TAF4B: variants seen among roughly 807,000 people sequenced by gnomAD.
The protein encoded by TAF4B is TATA-box binding protein associated factor 4b, also known as transcription initiation factor TFIID subunit 4B.
TAF4B carries 38 observed loss-of-function variants against 86.4 expected under a neutral mutation model. The ratio of observed to expected loss-of-function variants is 0.44; its 90% CI spans 0.34 to 0.58. TAF4B has a LOEUF of 0.58. TAF4B is among the 20% of genes least tolerant of loss of function. The pLI is 0.02. For synonymous variants in TAF4B, 388 were observed against 391.2 expected, an observed-to-expected ratio of 0.99 and a Z score of 0.10; for missense variants, 988 against 1,027.6, an observed-to-expected ratio of 0.96 and a Z score of 0.53.
chr18:26,295,439 G>A (rs781490898), intron 9 of TAF4B: 2 of 175,112 alleles, frequency 1.1e-5, no homozygotes, highest in South Asian at 2.5e-4. Flanking sequence ...AGATAATCAG[G>A]CATTAGATTC....
rs184228004 is a variant in TAF4B at position 26,314,027 on chromosome 18, C to T, written c.1833-1202C>T. Among the ~76,000 whole-genome samples the T allele has an allele frequency of 1.4e-3, 212 of 152,214 alleles. 3 individuals are homozygous for T. Among genetic ancestry groups the T allele is most frequent in the Middle Eastern group, 6.8e-3 (2 of 294 alleles). ...TGTTTGAGTATGAGTTCTTTTCCCC[C>T]TCATCCCTAATGTGTTGTTTTTTAA... On this transcript the variant is annotated intron_variant, in intron 9 of 14. Coordinates refer to ENST00000269142, the MANE Select transcript of TAF4B (RefSeq NM_005640.3).
intron 13 of TAF4B, among the ~76,000 whole-genome samples, chr18:26,347,077 A>C (rs10163961): frequency 0.98 from 145,701 of 148,606 alleles, 71,436 homozygotes; most frequent in East Asian, 0.99. Flanking sequence ...CCCACCACCA[A>C]GCCCAGCTAA....
At chr18:26,292,495 AC>A in intron 8 of TAF4B, 114 bp downstream of exon 8, 1 of 1,104,242 alleles carries the variant, frequency 9.1e-7, no homozygotes, top group Non-Finnish European at 1.3e-6. Context: ...TAAAGTTGGC[AC>A]CCATTGAGAG....
chr18:26,227,031 T>TG lies in TAF4B; in HGVS notation c.99dup (p.Arg34AlafsTer14). 6.6e-7 allele frequency: 1 copy of TG among 1,506,614 alleles called. No homozygotes were observed. The highest frequency in any genetic ancestry group is 8.8e-7 in the Non-Finnish European group (1 of 1,141,092). 93.3% of individuals were successfully genotyped at this position (1,506,614 alleles called of 1,614,324 possible). A position where few individuals can be genotyped will look rare whatever the true frequency, so the allele number is the denominator to read the frequency against. On this transcript the variant is annotated frameshift_variant, in exon 1 of 15. Coordinates refer to ENST00000269142, the MANE Select transcript of TAF4B (RefSeq NM_005640.3). ...ATGGCCCCGGCCGGGGCGCTGCCGG[T>TG]GCGGGTGGAGAGCACTCCGGTGGCC... is the stretch of plus-strand genomic sequence containing the variant.
At chr18:26,288,190 T>C (rs1197508845) in intron 7 of TAF4B, among the ~76,000 whole-genome samples, 2 of 152,222 alleles carry the variant, frequency 1.3e-5, no homozygotes, top group Admixed American at 1.3e-4. Flanking sequence ...ATTGAGCATC[T>C]ATAGCATATA....
intron 13 of TAF4B, among the ~76,000 whole-genome samples, chr18:26,344,702 A>G (rs1028419640): frequency 6.6e-6 from 1 of 152,220 alleles, no homozygotes; most frequent in Non-Finnish European, 1.5e-5. Context: ...GAGGACTGAC[A>G]TTGGCAAGAT....
intron 10 of TAF4B, among the ~76,000 whole-genome samples, chr18:26,319,871 T>C (rs1042532670): frequency 6.6e-6 from 1 of 152,148 alleles, no homozygotes; most frequent in African/African-American, 2.4e-5. Context: ...ATTACAGGCG[T>C]GTGCCACCAT....
chr18:26,320,310 G>C (rs903234611), intron 10 of TAF4B, among the ~76,000 whole-genome samples: 3 of 152,128 alleles, frequency 2.0e-5, no homozygotes, highest in South Asian at 2.1e-4. Flanking sequence ...GGTTTCACTG[G>C]GGCTGAGAAG....
At chr18:26,238,924 C>A (rs544003916) in intron 1 of TAF4B, among the ~76,000 whole-genome samples, 36 of 152,244 alleles carry the variant, frequency 2.4e-4, no homozygotes, top group Middle Eastern at 6.8e-3. Context: ...TGAACTCATC[C>A]TTTTTTATGG....
At chr18:26,357,380 G>T (rs1291189271) in intron 13 of TAF4B, among the ~76,000 whole-genome samples, 1 of 152,136 alleles carries the variant, frequency 6.6e-6, no homozygotes, top group East Asian at 1.9e-4. Flanking sequence ...CTGACTTACT[G>T]TTCAACTTAA....
chr18:26,238,335 T>G (rs2055781332), intron 1 of TAF4B, among the ~76,000 whole-genome samples: 1 of 152,122 alleles, frequency 6.6e-6, no homozygotes, highest in Non-Finnish European at 1.5e-5. Context: ...GAGTGATGCC[T>G]TTTGTCCTCA....
chr18:26,370,742 C>G (rs1234314159), intron 14 of TAF4B, among the ~76,000 whole-genome samples: 1 of 152,088 alleles, frequency 6.6e-6, no homozygotes, highest in African/African-American at 2.4e-5. Context: ...TTGGATCAGG[C>G]TGAAGTTATT....
chr18:26,302,891 A>G (rs1273938062), intron 9 of TAF4B, among the ~76,000 whole-genome samples: 2 of 152,040 alleles, frequency 1.3e-5, no homozygotes, highest in Admixed American at 6.5e-5. Context: ...CCTCTAATCA[A>G]TAGTTAATCT....
Position 26,274,975 on chromosome 18 carries a change from G to A in TAF4B, c.804G>A (p.Met268Ile), listed in dbSNP as rs763463446. Residue 268 changes from methionine to isoleucine, a missense_variant, in exon 5 of 15, where the codon ATG (methionine) becomes ATA (isoleucine). Met to Ile is a conservative substitution (Grantham distance 10). Coordinates refer to ENST00000269142, the MANE Select transcript of TAF4B (RefSeq NM_005640.3). ...NVKKCKNFLAMLIKLACSGSQ... is the reference protein window; with the variant it reads ...NVKKCKNFLAILIKLACSGSQ... The stretch of plus-strand genomic sequence containing the variant: ...AGAAATGCAAGAACTTCCTTGCAAT[G>A]TTAATAAAACTAGCATGTAGTGGAT... The A allele has an allele frequency of 8.1e-6, 13 of 1,613,034 alleles. No individual in the cohort carries two copies. In the Admixed American group the frequency reaches 1.8e-4, roughly 23 times the overall value.
intron 1 of TAF4B, among the ~76,000 whole-genome samples, chr18:26,231,175 G>C (rs533622970): frequency 3.3e-5 from 5 of 150,404 alleles, no homozygotes; most frequent in Non-Finnish European, 7.4e-5. Flanking sequence ...GAGTACCTGG[G>C]ATTACAGGCA....
At chr18:26,375,954 A>G (rs1223025915) in intron 14 of TAF4B, among the ~76,000 whole-genome samples, 1 of 152,108 alleles carries the variant, frequency 6.6e-6, no homozygotes, top group Non-Finnish European at 1.5e-5. Context: ...TCATTTTTTG[A>G]AAACATTATT....
intron 11 of TAF4B, among the ~76,000 whole-genome samples, chr18:26,321,586 T>C (rs1428459296): frequency 6.6e-6 from 1 of 151,600 alleles, no homozygotes; most frequent in Non-Finnish European, 1.5e-5. Flanking sequence ...CAGAGATTGA[T>C]TTATTTTAAA....
intron 10 of TAF4B, among the ~76,000 whole-genome samples, chr18:26,317,584 G>A (rs1203259963): frequency 6.6e-6 from 1 of 152,166 alleles, no homozygotes; most frequent in Non-Finnish European, 1.5e-5. Context: ...ATCTTGGATT[G>A]CTGTAACAAA....
At chr18:26,233,695 T>C (rs752346661) in intron 1 of TAF4B, among the ~76,000 whole-genome samples, 2 of 152,194 alleles carry the variant, frequency 1.3e-5, no homozygotes, top group Non-Finnish European at 2.9e-5. Context: ...TTTCATGAAT[T>C]AGGACTTAAA....
Sources: allele counts gnomAD v4.1 joint callset (sites outside exome capture counted in the v4.1 genomes callset), GRCh38; gene constraint gnomAD v4.1.1; transcripts MANE v1.5; gene names NCBI Gene and HGNC (gene_info 2026-07-23, HGNC 2026-07-21).